The following EXOC4 variants were observed in gnomAD, a reference collection of about 807,000 sequenced individuals.
The protein encoded by EXOC4 is SEC8-like 1.
In EXOC4, 71 loss-of-function variants were observed where a neutral mutation model predicts 107.2. The observed-to-expected ratio is 0.66, with a 90% CI of 0.55 to 0.81. The LOEUF (loss-of-function observed/expected upper bound fraction) is 0.81. EXOC4 is among the 30% of genes least tolerant of loss of function. The pLI, the probability that EXOC4 is intolerant of heterozygous loss-of-function variation, is 0.00. For synonymous variants in EXOC4, 456 were observed against 441.2 expected (o/e 1.03, Z -0.42); for missense variants, 1,108 against 1,189.6 (o/e 0.93, Z 1.01).
chr7:134,071,832 AT>A, the EXOC4 span, among the ~76,000 whole-genome samples: 5 of 152,116 alleles, frequency 3.3e-5, no homozygotes, highest in African/African-American at 9.7e-5. Context: ...CCTCTGTGCT[AT>A]TTTGAGCCAA....
chr7:133,305,735 A>T, intron 3 of EXOC4, 142 bp from the exon 4 acceptor site: 4 of 622,704 alleles, frequency 6.4e-6, no homozygotes, highest in Non-Finnish European at 1.0e-5. Context: ...TAGCCACATT[A>T]TACTCTACGA....
chr7:133,613,795 T>C (rs562814424), intron 9 of EXOC4, among the ~76,000 whole-genome samples: 25 of 152,146 alleles, frequency 1.6e-4, no homozygotes, highest in Non-Finnish European at 4.4e-5. Flanking sequence ...AATACCTTTT[T>C]ATCTGGTATT....
At chr7:133,971,998 T>A (rs1444102149) in intron 14 of EXOC4, among the ~76,000 whole-genome samples, 1 of 51,862 alleles carries the variant, frequency 1.9e-5, no homozygotes, top group Non-Finnish European at 3.6e-5. Context: ...TGTCCATTTT[T>A]AAATTTTCTT....
intron 10 of EXOC4, among the ~76,000 whole-genome samples, chr7:133,808,620 A>G (rs1797137261): frequency 6.6e-6 from 1 of 152,088 alleles, no homozygotes; most frequent in Admixed American, 6.5e-5. Context: ...CTGCAGACTG[A>G]GTTGTTTCCA....
intron 14 of EXOC4, among the ~76,000 whole-genome samples, chr7:133,981,508 T>A (rs930875150): frequency 6.6e-6 from 1 of 151,992 alleles, no homozygotes; most frequent in East Asian, 1.9e-4. Flanking sequence ...AAGCTAAAAG[T>A]CAGTGATCTT....
At chr7:133,387,013 G>A (rs1796742997) in intron 7 of EXOC4, among the ~76,000 whole-genome samples, 1 of 152,088 alleles carries the variant, frequency 6.6e-6, no homozygotes, top group Non-Finnish European at 1.5e-5. Flanking sequence ...CCTATTCATG[G>A]TCAGTCTTAG....
intron 17 of EXOC4, among the ~76,000 whole-genome samples, chr7:134,049,576 C>G (rs1247256231): frequency 6.6e-6 from 1 of 152,184 alleles, no homozygotes; most frequent in Admixed American, 6.5e-5. Context: ...TCTATTAAGC[C>G]TTCCCTGGCT....
At chr7:133,928,669 C>T (rs1478613930) in intron 13 of EXOC4, among the ~76,000 whole-genome samples, 1 of 151,998 alleles carries the variant, frequency 6.6e-6, no homozygotes, top group African/African-American at 2.4e-5. Flanking sequence ...GTAAGCAGAC[C>T]CTTAATAGTG....
At chr7:133,912,151 C>G (rs1286664475) in intron 12 of EXOC4, among the ~76,000 whole-genome samples, 1 of 152,184 alleles carries the variant, frequency 6.6e-6, no homozygotes, top group Non-Finnish European at 1.5e-5. Context: ...TTGCCCACCC[C>G]ATTGTATTAG....
intron 11 of EXOC4, among the ~76,000 whole-genome samples, chr7:133,826,728 G>T (rs187897332): frequency 5.9e-5 from 9 of 152,228 alleles, no homozygotes; most frequent in Non-Finnish European, 1.0e-4. Context: ...CAAGTAGAAA[G>T]CCTCACTGAT....
At chr7:133,779,435 G>A (rs1050618319) in intron 10 of EXOC4, among the ~76,000 whole-genome samples, 4 of 152,126 alleles carry the variant, frequency 2.6e-5, no homozygotes, top group Middle Eastern at 3.2e-3. Context: ...TATCACAGAA[G>A]CTCTGTTCCT....
chr7:133,533,347 T>A (rs1800215008), intron 9 of EXOC4, among the ~76,000 whole-genome samples: 1 of 152,218 alleles, frequency 6.6e-6, no homozygotes, highest in South Asian at 2.1e-4. Context: ...GTTGAAATGC[T>A]TTTTGGTCTT....
chr7:133,417,855 A>G (rs1445444748), intron 7 of EXOC4, among the ~76,000 whole-genome samples: 1 of 152,164 alleles, frequency 6.6e-6, no homozygotes, highest in East Asian at 1.9e-4. Context: ...TAGACTGTGC[A>G]TGTGAAACAT....
intron 9 of EXOC4, among the ~76,000 whole-genome samples, chr7:133,512,543 A>T (rs528649753): frequency 1.3e-5 from 2 of 152,220 alleles, no homozygotes; most frequent in Middle Eastern, 3.4e-3. Context: ...AGCAGAGGCA[A>T]GAAAGGGCAT....
chr7:133,801,042 A>G (rs984840222), intron 10 of EXOC4, among the ~76,000 whole-genome samples: 1 of 152,188 alleles, frequency 6.6e-6, no homozygotes, highest in Non-Finnish European at 1.5e-5. Flanking sequence ...TATGAATAGC[A>G]CAGATACGTC....
intron 14 of EXOC4, among the ~76,000 whole-genome samples, chr7:133,954,710 T>TGCTTG (rs1003664169): frequency 2.0e-5 from 3 of 152,220 alleles, no homozygotes; most frequent in Admixed American, 6.5e-5. Flanking sequence ...TGGCAGGCTG[T>TGCTTG]GCTTGGCTTG....
At chr7:133,390,926 T>C (rs1032468712) in intron 7 of EXOC4, among the ~76,000 whole-genome samples, 3 of 152,202 alleles carry the variant, frequency 2.0e-5, no homozygotes, top group African/African-American at 7.2e-5. Flanking sequence ...TGTAATTCAG[T>C]GAAGCATTGA....
chr7:134,079,768 G>A, the EXOC4 span, among the ~76,000 whole-genome samples: 1 of 152,200 alleles, frequency 6.6e-6, no homozygotes, highest in Non-Finnish European at 1.5e-5. Flanking sequence ...GTGGGCATGA[G>A]TTTGCACTGA....
At chr7:133,693,740 C>T (rs992518051) in intron 10 of EXOC4, among the ~76,000 whole-genome samples, 5 of 152,112 alleles carry the variant, frequency 3.3e-5, no homozygotes, top group East Asian at 1.9e-4. Context: ...ACCTAGCCTC[C>T]GTAGTCCCTG....
Sources: allele counts gnomAD v4.1 joint callset (sites outside exome capture counted in the v4.1 genomes callset), GRCh38; gene constraint gnomAD v4.1.1; transcripts MANE v1.5; gene names NCBI Gene and HGNC (gene_info 2026-07-23, HGNC 2026-07-21).